Variants in ERBB4 observed in about 807,000 individuals in gnomAD.
ERBB4 encodes receptor tyrosine-protein kinase erbB-4.
ERBB4 carries 42 observed loss-of-function variants against 158.0 expected under a neutral mutation model. The ratio of observed to expected loss-of-function variants is 0.27; its 90% CI spans 0.21 to 0.34. The LOEUF (loss-of-function observed/expected upper bound fraction) is 0.34. Ranked by LOEUF, ERBB4 falls within the 10% of genes least tolerant of loss-of-function variation. ERBB4 has a pLI of 1.00. For synonymous variants in ERBB4, 583 were observed against 558.7 expected (o/e 1.04, Z -0.61); for missense variants, 1,333 against 1,624.1 (o/e 0.82, Z 3.08).
intron 3 of ERBB4, among the ~76,000 whole-genome samples, chr2:211,856,507 T>C (rs1477414745): frequency 1.3e-5 from 2 of 151,892 alleles, no homozygotes; most frequent in Non-Finnish European, 2.9e-5. Context: ...TGCCTCAGCC[T>C]CCCGAGTAGC....
At chr2:212,000,079 T>A (rs1031652605) in intron 2 of ERBB4, among the ~76,000 whole-genome samples, 2 of 151,814 alleles carry the variant, frequency 1.3e-5, no homozygotes, top group Non-Finnish European at 3.0e-5. Context: ...AAAAGGAAGA[T>A]TTTATAACCT....
At chr2:212,533,609 T>G (rs964626192) in intron 1 of ERBB4, among the ~76,000 whole-genome samples, 18 of 152,080 alleles carry the variant, frequency 1.2e-4, no homozygotes, top group Non-Finnish European at 2.2e-4. Context: ...AAAGGGGTTA[T>G]TTTTCATTAT....
intron 1 of ERBB4, among the ~76,000 whole-genome samples, chr2:212,219,970 G>A (rs35955115): frequency 0.53 from 77,716 of 145,354 alleles, 20,718 homozygotes; most frequent in East Asian, 0.77. Context: ...AAAAAAAAAA[G>A]TGGGATTTTT....
rs368986795 is a variant in ERBB4, at chr2:211,639,310, A to G, written c.1947-8716T>C. ...CACTATGTCCTATTACTTATTCATTATATGGACAAGGTAATATGAAGCAAT... is the reference window on the plus strand; with the variant it reads ...CACTATGTCCTATTACTTATTCATTGTATGGACAAGGTAATATGAAGCAAT... On this transcript the variant is annotated intron_variant, in intron 16 of 27. Coordinates refer to ENST00000342788, the MANE Select transcript of ERBB4 (RefSeq NM_005235.3). 2.2e-3 allele frequency among the ~76,000 whole-genome samples: 338 copies of G among 152,312 alleles called. 1 individual carries two copies. Among genetic ancestry groups the G allele is most frequent in the African/African-American group, 7.7e-3 (319 of 41,574 alleles).
intron 4 of ERBB4, among the ~76,000 whole-genome samples, chr2:211,775,680 T>C (rs928222372): frequency 2.6e-5 from 4 of 152,188 alleles, no homozygotes; most frequent in Admixed American, 6.5e-5. Context: ...TAGTGATATC[T>C]AGAGTAATAC....
intron 1 of ERBB4, among the ~76,000 whole-genome samples, chr2:212,437,321 A>T (rs2092159657): frequency 6.6e-6 from 1 of 151,996 alleles, no homozygotes; most frequent in Non-Finnish European, 1.5e-5. Flanking sequence ...AAACTAAAGG[A>T]TTTCACATTA....
At chr2:211,418,095 T>G (rs1052718094) in intron 25 of ERBB4, among the ~76,000 whole-genome samples, 8 of 152,192 alleles carry the variant, frequency 5.3e-5, no homozygotes, top group African/African-American at 1.9e-4. Flanking sequence ...TTTTTTTTTT[T>G]TTTGGTTTCA....
chr2:211,599,890 A>C (rs1466933918), intron 19 of ERBB4, among the ~76,000 whole-genome samples: 1 of 152,126 alleles, frequency 6.6e-6, no homozygotes, highest in Non-Finnish European at 1.5e-5. Context: ...TTTCTTAGAC[A>C]TTTTTCCCAG....
At position 212,538,623 on chromosome 2, in the gene ERBB4, C is replaced by T. The variant is rs1022108824; in HGVS notation, c.-93G>A. ...GCGGAGGAGATCCCCCAGCCGGGCG[C>T]GCGTGGGGGTGCGAGGGGGGCGGGC... On this transcript the variant is annotated 5_prime_UTR_variant, in exon 1 of 28. Coordinates refer to ENST00000342788, the MANE Select transcript of ERBB4 (RefSeq NM_005235.3). 2.6e-5 allele frequency: 35 copies of T among 1,356,848 alleles called. No homozygotes were observed. The highest frequency in any genetic ancestry group is 3.7e-5 in the Non-Finnish European group (35 of 952,316). 84.1% of individuals were successfully genotyped at this position (1,356,848 alleles called of 1,614,324 possible).
intron 2 of ERBB4, among the ~76,000 whole-genome samples, chr2:212,077,935 A>G (rs527795151): frequency 1.0e-3 from 153 of 152,192 alleles, no homozygotes; most frequent in African/African-American, 3.4e-3. Flanking sequence ...GCATTCAGCA[A>G]TTACCAAATA....
At chr2:211,585,321 C>T (rs1354643727) in intron 19 of ERBB4, among the ~76,000 whole-genome samples, 1 of 148,160 alleles carries the variant, frequency 6.7e-6, no homozygotes, top group East Asian at 2.0e-4. Context: ...CACTGCACTC[C>T]AGCCTGGGCG....
At chr2:211,526,565 C>T (rs1395714182) in intron 20 of ERBB4, among the ~76,000 whole-genome samples, 1 of 151,996 alleles carries the variant, frequency 6.6e-6, no homozygotes, top group Admixed American at 6.6e-5. Flanking sequence ...TCTTCAATGC[C>T]CAGACAGTGA....
intron 25 of ERBB4, among the ~76,000 whole-genome samples, chr2:211,401,369 T>A (rs1262048448): frequency 6.6e-6 from 1 of 152,070 alleles, no homozygotes; most frequent in Non-Finnish European, 1.5e-5. Flanking sequence ...AGAGTATAGG[T>A]TGGCATTGAT....
chr2:211,592,017 G>A (rs2068483745), intron 19 of ERBB4, among the ~76,000 whole-genome samples: 2 of 152,160 alleles, frequency 1.3e-5, no homozygotes, highest in South Asian at 4.1e-4. Context: ...CCCGAAGACG[G>A]GGCTAGATTT....
At chr2:212,213,045 A>C (rs1189091774) in intron 1 of ERBB4, among the ~76,000 whole-genome samples, 1 of 152,146 alleles carries the variant, frequency 6.6e-6, no homozygotes, top group Non-Finnish European at 1.5e-5. Context: ...AAGCAATTGC[A>C]ACGAAAGCCA....
At chr2:211,742,148 G>C (rs1044186840) in intron 5 of ERBB4, among the ~76,000 whole-genome samples, 3 of 152,084 alleles carry the variant, frequency 2.0e-5, no homozygotes, top group Non-Finnish European at 4.4e-5. Context: ...CTGATTGATG[G>C]GGCCTGCTGG....
At chr2:211,942,254 C>T (rs993914550) in intron 3 of ERBB4, among the ~76,000 whole-genome samples, 1 of 152,116 alleles carries the variant, frequency 6.6e-6, no homozygotes, top group Non-Finnish European at 1.5e-5. Flanking sequence ...TGAAGGCAGA[C>T]ATTCAAGTGT....
At chr2:211,826,050 A>G (rs1035462912) in intron 3 of ERBB4, among the ~76,000 whole-genome samples, 6 of 151,540 alleles carry the variant, frequency 4.0e-5, no homozygotes, top group African/African-American at 1.5e-4. Context: ...CCAAGAAGAC[A>G]TGGAGATCAA....
intron 2 of ERBB4, among the ~76,000 whole-genome samples, chr2:212,104,819 G>T (rs1553559407): frequency 6.6e-6 from 1 of 151,994 alleles, no homozygotes; most frequent in Non-Finnish European, 1.5e-5. Flanking sequence ...TTTCAAAATT[G>T]AAAAAATAAG....
Sources: allele counts gnomAD v4.1 joint callset (sites outside exome capture counted in the v4.1 genomes callset), GRCh38; gene constraint gnomAD v4.1.1; transcripts MANE v1.5; gene names NCBI Gene and HGNC (gene_info 2026-07-23, HGNC 2026-07-21).